Variants in PRMT3 observed in about 807,000 individuals in gnomAD.
PRMT3 encodes protein arginine methyltransferase 3.
In PRMT3, 62 loss-of-function variants were observed where a neutral mutation model predicts 71.9. The ratio of observed to expected loss-of-function variants is 0.86; its 90% CI spans 0.70 to 1.07. The LOEUF (loss-of-function observed/expected upper bound fraction) is 1.07. Ranked by LOEUF, PRMT3 falls within the 50% of genes least tolerant of loss-of-function variation. PRMT3 has a pLI of 0.00. For missense variants in PRMT3, 663 were observed against 643.0 expected (o/e 1.03, Z -0.34); for synonymous variants, 213 against 220.4 (o/e 0.97, Z 0.30).
intron 15 of PRMT3, 52 bp from the exon 16 acceptor site, chr11:20,508,252 C>A: frequency 1.9e-6 from 2 of 1,043,974 alleles, no homozygotes; most frequent in East Asian, 2.4e-5. Context: ...GTTTACTTTT[C>A]TGCTACACTG....
chr11:20,425,809 T>C (rs1412332019), intron 9 of PRMT3, among the ~76,000 whole-genome samples: 1 of 152,208 alleles, frequency 6.6e-6, no homozygotes, highest in Non-Finnish European at 1.5e-5. Context: ...TATATATTGA[T>C]TGTGGTGGTC....
chr11:20,506,960 T>TA (rs1851605010), intron 15 of PRMT3, among the ~76,000 whole-genome samples: 1 of 152,238 alleles, frequency 6.6e-6, no homozygotes, highest in South Asian at 2.1e-4. Context: ...TTTTGTGTGT[T>TA]CACTGTTTCA....
At chr11:20,456,199 A>G (rs954721479) in intron 11 of PRMT3, among the ~76,000 whole-genome samples, 3 of 152,202 alleles carry the variant, frequency 2.0e-5, no homozygotes, top group Admixed American at 1.3e-4. Flanking sequence ...GACAAACCCA[A>G]TAGAAAATTG....
chr11:20,401,026 G>A (rs781138807), intron 7 of PRMT3, among the ~76,000 whole-genome samples: 13 of 151,438 alleles, frequency 8.6e-5, no homozygotes, highest in Non-Finnish European at 1.5e-4. Flanking sequence ...CTATATACAA[G>A]ACACTATGTT....
Position 20,410,269 on chromosome 11 carries a change from A to G in PRMT3, c.893+2237A>G, listed in dbSNP as rs376509633. 3.5e-4 allele frequency among the ~76,000 whole-genome samples: 53 copies of G among 152,202 alleles called. No individual in the cohort carries two copies. The East Asian group carries it at 9.5e-3, about 27-fold the overall frequency. On this transcript the variant is annotated intron_variant, in intron 9 of 15. Transcript: ENST00000331079. ...TTCTGACATATACATTTAACATTCA[A>G]TTACTTAATGAGGAAAATGTTTTCT...
chr11:20,456,480 C>T (rs866461107), intron 11 of PRMT3, among the ~76,000 whole-genome samples: 10 of 152,214 alleles, frequency 6.6e-5, no homozygotes, highest in Middle Eastern at 6.8e-3. Context: ...CCATGAATTG[C>T]TTGGCATATC....
rs893502926 is a variant in PRMT3, at chr11:20,509,283, A to G, written c.*870A>G. On this transcript the variant is annotated 3_prime_UTR_variant, in exon 16 of 16. Transcript: ENST00000331079. ...AATAAAATGTATCAACTTATAAAAT[A>G]TTTTAAAAATATTGATATTATAAAA... The G allele has an allele frequency of 6.6e-6, 1 of 152,074 alleles. No homozygotes were observed. Among genetic ancestry groups the G allele is most frequent in the Non-Finnish European group, 1.5e-5 (1 of 68,022 alleles). The allele number at this position is 152,074 out of a possible 1,614,324, so 9.4% of individuals were successfully genotyped here.
At chr11:20,429,844 A>C (rs530090246) in intron 10 of PRMT3, among the ~76,000 whole-genome samples, 1 of 152,220 alleles carries the variant, frequency 6.6e-6, no homozygotes, top group Admixed American at 6.5e-5. Flanking sequence ...AAGGCTTAAG[A>C]AGGCTTGTGC....
chr11:20,456,120 T>C (rs558877853), intron 11 of PRMT3, among the ~76,000 whole-genome samples: 1 of 152,130 alleles, frequency 6.6e-6, no homozygotes, highest in Admixed American at 6.5e-5. Flanking sequence ...TGAAAATAAT[T>C]TTTCAATTTC....
chr11:20,459,374 C>T (rs1163332732), intron 11 of PRMT3, among the ~76,000 whole-genome samples: 2 of 152,134 alleles, frequency 1.3e-5, no homozygotes, highest in Non-Finnish European at 1.5e-5. Flanking sequence ...GAAGTAGGAC[C>T]ATATGGTGGC....
intron 3 of PRMT3, 149 bp from the exon 4 acceptor site, chr11:20,392,062 C>T (rs563705341): frequency 2.4e-4 from 158 of 666,678 alleles, no homozygotes; most frequent in Non-Finnish European, 3.5e-4. Flanking sequence ...TGTATTACTA[C>T]TTCTAATTCT....
At chr11:20,467,530 A>G (rs1179975645) in intron 13 of PRMT3, among the ~76,000 whole-genome samples, 3 of 152,202 alleles carry the variant, frequency 2.0e-5, no homozygotes, top group Admixed American at 6.5e-5. Flanking sequence ...TTCGTGTTGC[A>G]TTTGAAACAG....
In PRMT3 at chr11:20,494,251, G is replaced by A. The variant is rs767884518; in HGVS notation, c.1483G>A (p.Ala495Thr). Residue 495 changes from alanine (A) to threonine (T), a missense_variant, in exon 15 of 16, where the codon GCA (alanine) becomes ACA (threonine). By Grantham distance (58) the Ala-to-Thr change is moderately conservative. Coordinates refer to ENST00000331079, the MANE Select transcript of PRMT3 (RefSeq NM_005788.4). Reference sequence around the variant, plus strand: ...ACTGGAAAAACCATTTTCAGTTAAAGCAGGTGAGAAAGAATAGTAGGGGGG... The same window carrying A: ...ACTGGAAAAACCATTTTCAGTTAAAACAGGTGAGAAAGAATAGTAGGGGGG... The part of the protein sequence containing the change: ...FLLEKPFSVK[A>T]GEALKGKVTV... The A allele has an allele frequency of 6.3e-7, 1 of 1,582,952 alleles. No homozygotes were observed. The highest frequency in any genetic ancestry group is 1.1e-5 in the South Asian group (1 of 90,046).
chr11:20,427,182 A>G (rs988866638), intron 10 of PRMT3, among the ~76,000 whole-genome samples: 1 of 152,182 alleles, frequency 6.6e-6, no homozygotes, highest in Admixed American at 6.5e-5. Flanking sequence ...TTTGCCTGAA[A>G]GCCTCCAGGG....
intron 13 of PRMT3, among the ~76,000 whole-genome samples, chr11:20,491,454 G>C (rs1353349442): frequency 6.6e-6 from 1 of 152,164 alleles, no homozygotes. Context: ...AAAATCTTAA[G>C]GATGTTGATG....
At chr11:20,402,711 G>A (rs1226653708) in intron 7 of PRMT3, among the ~76,000 whole-genome samples, 1 of 152,040 alleles carries the variant, frequency 6.6e-6, no homozygotes, top group East Asian at 1.9e-4. Flanking sequence ...TCTTATTTGA[G>A]TTTCAGTCTT....
intron 7 of PRMT3, among the ~76,000 whole-genome samples, chr11:20,398,013 A>T (rs77699758): frequency 5.5e-4 from 2 of 3,610 alleles, no homozygotes; most frequent in African/African-American, 1.7e-3. Flanking sequence ...GTCTCTATTT[A>T]AAAAAAAAAA....
rs57201745 is a variant in PRMT3 at position 20,504,707 on chromosome 11, T to TGAGAGA, written c.1487-3563_1487-3558dup. On this transcript the variant is annotated intron_variant, in intron 15 of 15. Coordinates refer to ENST00000331079, the MANE Select transcript of PRMT3 (RefSeq NM_005788.4). ...TATTGTATGTGTGTGTGTGTGTGTG[T>TGAGAGA]GAGAGAGAGAGAGAGAGAGAGAGAG... Among the ~76,000 whole-genome samples, 394 of 133,612 alleles carry TGAGAGA rather than the reference T, an allele frequency of 2.9e-3. 1 individual carries two copies. Among genetic ancestry groups the TGAGAGA allele is most frequent in the Admixed American group, 8.7e-3 (115 of 13,218 alleles). The allele number at this position is 133,612 out of a possible 152,430, so 87.7% of individuals were successfully genotyped here.
intron 5 of PRMT3, 42 bp downstream of exon 5, chr11:20,393,041 C>A: frequency 1.5e-6 from 2 of 1,324,064 alleles, no homozygotes; most frequent in South Asian, 1.2e-5. Context: ...TAACATAAGG[C>A]CGTTTGTTAA....
Sources: allele counts gnomAD v4.1 joint callset (sites outside exome capture counted in the v4.1 genomes callset), GRCh38; gene constraint gnomAD v4.1.1; transcripts MANE v1.5; gene names NCBI Gene and HGNC (gene_info 2026-07-23, HGNC 2026-07-21).